Variants in ZFHX3 observed in about 807,000 individuals in gnomAD.
ZFHX3 encodes the protein zinc finger homeobox protein 3.
A neutral mutation model predicts 279.1 loss-of-function variants in ZFHX3; 42 were observed. The ratio of observed to expected loss-of-function variants is 0.15; its 90% CI spans 0.12 to 0.19. ZFHX3 has a LOEUF of 0.19. Ranked by LOEUF, ZFHX3 falls within the 10% of genes least tolerant of loss-of-function variation. ZFHX3 has a pLI of 1.00. For synonymous variants in ZFHX3, 2,293 were observed against 1,957.8 expected (o/e 1.17, Z -4.52); for missense variants, 4,981 against 4,754.0 (o/e 1.05, Z -1.40).
chr16:73,420,455 G>A (rs1446121263), intron 3 of ZFHX3, among the ~76,000 whole-genome samples: 1 of 152,126 alleles, frequency 6.6e-6, no homozygotes, highest in Non-Finnish European at 1.5e-5. Context: ...CAGGGAAGGC[G>A]GCGTCGCTGG....
At chr16:73,246,101 G>A (rs1335456058) in intron 5 of ZFHX3, among the ~76,000 whole-genome samples, 1 of 152,122 alleles carries the variant, frequency 6.6e-6, no homozygotes, top group Non-Finnish European at 1.5e-5. Context: ...AGGTTTCTTG[G>A]TTATGCTTCC....
chr16:73,466,090 A>G (rs1166130294), intron 2 of ZFHX3, among the ~76,000 whole-genome samples: 2 of 152,140 alleles, frequency 1.3e-5, no homozygotes, highest in African/African-American at 4.8e-5. Flanking sequence ...AACAAACAAA[A>G]ACCCAGCAGC....
chr16:72,940,033 C>T (rs909021557), intron 3 of ZFHX3, among the ~76,000 whole-genome samples: 1 of 152,094 alleles, frequency 6.6e-6, no homozygotes, highest in African/African-American at 2.4e-5. Flanking sequence ...CCTCAGTCCC[C>T]ACTGCAGCTA....
At position 72,860,587 on chromosome 16, in the gene ZFHX3, C is replaced by T. The variant is rs368576907; in HGVS notation, c.3448+29144G>A. On this transcript the variant is annotated intron_variant, in intron 4 of 9. Transcript: ENST00000268489. ...CTGGGACTACAGGCATGCACCACCA[C>T]GCCTGGCTAATTTTCTATTTTTAGT... is the stretch of plus-strand genomic sequence containing the variant. Among the ~76,000 whole-genome samples the T allele has an allele frequency of 8.1e-4, 124 of 152,262 alleles. 1 individual carries two copies. The South Asian group carries it at 8.7e-3, about 11-fold the overall frequency.
intron 5 of ZFHX3, among the ~76,000 whole-genome samples, chr16:73,255,695 C>T (rs2144961987): frequency 6.6e-6 from 1 of 152,302 alleles, no homozygotes; most frequent in African/African-American, 2.4e-5. Context: ...ATTTCAAAGC[C>T]AGGATTTAGT....
intron 3 of ZFHX3, among the ~76,000 whole-genome samples, chr16:72,946,078 CT>C (rs1367450964): frequency 2.0e-5 from 3 of 152,172 alleles, no homozygotes; most frequent in African/African-American, 7.2e-5. Flanking sequence ...AGGGAAAGAA[CT>C]GAAAAGATGG....
At chr16:73,537,080 G>A (rs949787212) in intron 2 of ZFHX3, among the ~76,000 whole-genome samples, 4 of 152,094 alleles carry the variant, frequency 2.6e-5, no homozygotes, top group Admixed American at 1.3e-4. Flanking sequence ...CATGCTGGGC[G>A]AATAAGAGAC....
At chr16:73,364,697 G>T (rs2016499290) in intron 3 of ZFHX3, among the ~76,000 whole-genome samples, 1 of 152,144 alleles carries the variant, frequency 6.6e-6, no homozygotes, top group African/African-American at 2.4e-5. Context: ...GAGGACTTGG[G>T]ACTGAGTTTT....
intron 4 of ZFHX3, among the ~76,000 whole-genome samples, chr16:72,837,626 T>C (rs1000462574): frequency 1.4e-5 from 2 of 144,058 alleles, no homozygotes; most frequent in African/African-American, 5.9e-5. Flanking sequence ...CCACCACGCC[T>C]AGATAATTTT....
intron 1 of ZFHX3, among the ~76,000 whole-genome samples, chr16:73,814,999 TA>T (rs1960527817): frequency 1.3e-5 from 2 of 152,098 alleles, no homozygotes; most frequent in South Asian, 4.1e-4. Flanking sequence ...TACTTAAAAG[TA>T]GGGTGATAAT....
At chr16:72,996,570 C>G (rs1192420384) in intron 1 of ZFHX3, among the ~76,000 whole-genome samples, 3 of 152,210 alleles carry the variant, frequency 2.0e-5, no homozygotes, top group African/African-American at 7.2e-5. Context: ...CAAAAAGAGA[C>G]AAACCTAATA....
intron 1 of ZFHX3, among the ~76,000 whole-genome samples, chr16:73,878,940 GATATATAT>G (rs3082335): frequency 5.0e-5 from 7 of 141,016 alleles, no homozygotes; most frequent in Non-Finnish European, 4.6e-5. Context: ...AAAAAGATAA[GATATATAT>G]ATATATATAT....
At chr16:72,859,290 T>C (rs897091961) in intron 4 of ZFHX3, among the ~76,000 whole-genome samples, 7 of 152,222 alleles carry the variant, frequency 4.6e-5, no homozygotes, top group African/African-American at 1.7e-4. Flanking sequence ...AACTCAGCCA[T>C]TCTCTTCATG....
intron 1 of ZFHX3, among the ~76,000 whole-genome samples, chr16:73,841,205 G>A (rs532565007): frequency 9.8e-5 from 15 of 152,304 alleles, no homozygotes; most frequent in Admixed American, 4.6e-4. Context: ...AGTCAAATTG[G>A]AGAACAGGCA....
chr16:73,180,490 G>A (rs1465425988), intron 5 of ZFHX3, among the ~76,000 whole-genome samples: 1 of 152,184 alleles, frequency 6.6e-6, no homozygotes, highest in African/African-American at 2.4e-5. Flanking sequence ...GAGTGGGCAC[G>A]AAGCCACGCC....
intron 4 of ZFHX3, among the ~76,000 whole-genome samples, chr16:73,309,782 T>A (rs959295047): frequency 2.0e-5 from 3 of 152,168 alleles, no homozygotes; most frequent in Non-Finnish European, 2.9e-5. Flanking sequence ...AACAAGATAA[T>A]TCTGAGTATA....
At chr16:73,751,090 A>T (rs748123119) in intron 1 of ZFHX3, among the ~76,000 whole-genome samples, 1 of 152,276 alleles carries the variant, frequency 6.6e-6, no homozygotes, top group African/African-American at 2.4e-5. Flanking sequence ...TGTTGTGGGG[A>T]ATAAACAGAC....
intron 2 of ZFHX3, among the ~76,000 whole-genome samples, chr16:73,574,411 C>T (rs2051777398): frequency 6.6e-6 from 1 of 152,124 alleles, no homozygotes; most frequent in South Asian, 2.1e-4. Flanking sequence ...TTTTCATATA[C>T]CTTAGTTTGG....
chr16:72,898,611 T>C (rs2038955442), intron 3 of ZFHX3, among the ~76,000 whole-genome samples: 1 of 152,122 alleles, frequency 6.6e-6, no homozygotes, highest in Non-Finnish European at 1.5e-5. Flanking sequence ...TGTCGACGCC[T>C]CCATGTAAAC....
Sources: allele counts gnomAD v4.1 joint callset (sites outside exome capture counted in the v4.1 genomes callset), GRCh38; gene constraint gnomAD v4.1.1; transcripts MANE v1.5; gene names NCBI Gene and HGNC (gene_info 2026-07-23, HGNC 2026-07-21).